The following MYRIP variants were observed in gnomAD, a reference collection of about 807,000 sequenced individuals.
The protein encoded by MYRIP is myosin VIIA and Rab interacting protein.
MYRIP carries 49 observed loss-of-function variants against 98.0 expected under a neutral mutation model. That is an observed-to-expected ratio of 0.50 (90% CI 0.40 to 0.63). The LOEUF (loss-of-function observed/expected upper bound fraction) is 0.63. Among genes scored for constraint, MYRIP ranks in the 30% least tolerant of loss-of-function variants. The probability of loss-of-function intolerance (pLI) is 0.00; values close to 1 mark genes in which losing one functional copy is unlikely to be tolerated. For missense variants in MYRIP, 1,004 were observed against 1,058.2 expected (o/e 0.95, Z 0.71); for synonymous variants, 404 against 409.5 (o/e 0.99, Z 0.16).
chr3:40,244,505 T>C lies in MYRIP; in HGVS notation c.2160T>C (p.Asp720=), dbSNP rs776227627. ...AGACCCAGCTGACTGAGCTAGAAGA[T>C]GCCGCCCGCTGCATCCACAGTGGCA... ...GLETQLTELE[D]AARCIHSGTD... Residue 720 remains aspartate (D), a synonymous_variant, in exon 13 of 17, where the codon GAT becomes GAC. Transcript: ENST00000302541. 6.2e-7 allele frequency: 1 copy of C among 1,613,972 alleles called. No individual in the cohort carries two copies. Among genetic ancestry groups the C allele is most frequent in the Non-Finnish European group, 8.5e-7 (1 of 1,179,914 alleles).
chr3:39,860,505 C>G (rs1050944711), intron 1 of MYRIP, among the ~76,000 whole-genome samples: 2 of 152,182 alleles, frequency 1.3e-5, no homozygotes, highest in Non-Finnish European at 2.9e-5. Context: ...TGAGATGGGG[C>G]TAGTTCAACC....
At chr3:39,950,582 G>A (rs537055335) in intron 2 of MYRIP, among the ~76,000 whole-genome samples, 1 of 152,194 alleles carries the variant, frequency 6.6e-6, no homozygotes, top group East Asian at 1.9e-4. Flanking sequence ...TTTGGTGTCT[G>A]ACCTCAGCTG....
chr3:40,077,697 C>T (rs928152624), intron 3 of MYRIP, among the ~76,000 whole-genome samples: 6 of 152,242 alleles, frequency 3.9e-5, no homozygotes, highest in Non-Finnish European at 8.8e-5. Flanking sequence ...CTCCAAGGCC[C>T]CACCACAGTA....
intron 2 of MYRIP, 45 bp from the exon 3 acceptor site, chr3:40,044,002 ATGT>A (rs761790051): frequency 6.4e-6 from 10 of 1,573,008 alleles, no homozygotes; most frequent in Non-Finnish European, 8.7e-6. Context: ...CCCTGACCTG[ATGT>A]TGTGTTTCTC....
intron 13 of MYRIP, among the ~76,000 whole-genome samples, chr3:40,249,560 C>A (rs1162078492): frequency 1.3e-5 from 2 of 152,214 alleles, no homozygotes; most frequent in East Asian, 3.8e-4. Context: ...ACAATATCTT[C>A]ATTTCTGGAG....
At chr3:40,006,709 T>C (rs571298981) in intron 2 of MYRIP, among the ~76,000 whole-genome samples, 1 of 152,344 alleles carries the variant, frequency 6.6e-6, no homozygotes, top group African/African-American at 2.4e-5. Flanking sequence ...AGACTAATAC[T>C]TACTCCAGAA....
At chr3:39,841,099 A>T (rs1017347910) in intron 1 of MYRIP, among the ~76,000 whole-genome samples, 1 of 152,140 alleles carries the variant, frequency 6.6e-6, no homozygotes, top group Non-Finnish European at 1.5e-5. Flanking sequence ...AGGTACACCA[A>T]TCAAATGTAG....
At chr3:40,218,995 T>A (rs1952239931) in intron 11 of MYRIP, among the ~76,000 whole-genome samples, 1 of 152,088 alleles carries the variant, frequency 6.6e-6, no homozygotes, top group Admixed American at 6.6e-5. Flanking sequence ...AGCAAACAGA[T>A]TAATGAAACA....
intron 1 of MYRIP, among the ~76,000 whole-genome samples, chr3:39,856,326 T>G (rs1482840195): frequency 3.3e-5 from 5 of 152,226 alleles, no homozygotes; most frequent in Non-Finnish European, 7.3e-5. Flanking sequence ...ATGTGGGAGC[T>G]GCACATTAGC....
intron 3 of MYRIP, among the ~76,000 whole-genome samples, chr3:40,092,011 T>C (rs1262707208): frequency 6.6e-6 from 1 of 152,184 alleles, no homozygotes; most frequent in Non-Finnish European, 1.5e-5. Flanking sequence ...TCACAAGCTA[T>C]AAATTGCTTG....
At chr3:39,858,220 TA>T (rs2125614640) in intron 1 of MYRIP, among the ~76,000 whole-genome samples, 1 of 152,202 alleles carries the variant, frequency 6.6e-6, no homozygotes, top group Admixed American at 6.5e-5. Flanking sequence ...GTGAAAATGA[TA>T]ACCAAAAGAA....
At chr3:39,963,004 A>G (rs1229510258) in intron 2 of MYRIP, among the ~76,000 whole-genome samples, 1 of 152,150 alleles carries the variant, frequency 6.6e-6, no homozygotes, top group Non-Finnish European at 1.5e-5. Flanking sequence ...ACAGTAAATA[A>G]AATTATGTGC....
chr3:39,819,723 G>A (rs1941045803), intron 1 of MYRIP, among the ~76,000 whole-genome samples: 1 of 152,224 alleles, frequency 6.6e-6, no homozygotes, highest in African/African-American at 2.4e-5. Context: ...AGGTGGACAT[G>A]GTTGGGGGAT....
At chr3:39,810,947 C>T (rs976618917) in intron 1 of MYRIP, among the ~76,000 whole-genome samples, 4 of 152,190 alleles carry the variant, frequency 2.6e-5, no homozygotes, top group African/African-American at 9.7e-5. Context: ...TCCATCTCCC[C>T]GACCATGATC....
intron 2 of MYRIP, among the ~76,000 whole-genome samples, chr3:39,999,476 T>G (rs565375281): frequency 5.3e-5 from 8 of 152,286 alleles, no homozygotes; most frequent in Admixed American, 2.6e-4. Context: ...CACAATGAGA[T>G]ACCATCTCAC....
chr3:40,030,115 G>A (rs537578060), intron 2 of MYRIP, among the ~76,000 whole-genome samples: 1 of 151,404 alleles, frequency 6.6e-6, no homozygotes, highest in African/African-American at 2.4e-5. Context: ...GAGAGGGAGA[G>A]GGGAGGGGAG....
intron 9 of MYRIP, among the ~76,000 whole-genome samples, chr3:40,184,838 A>G (rs1343515852): frequency 6.6e-6 from 1 of 152,224 alleles, no homozygotes; most frequent in East Asian, 1.9e-4. Flanking sequence ...TTAGTTCCAC[A>G]GCATCACACA....
At chr3:40,038,590 T>C (rs1947435951) in intron 2 of MYRIP, among the ~76,000 whole-genome samples, 1 of 152,134 alleles carries the variant, frequency 6.6e-6, no homozygotes, top group Non-Finnish European at 1.5e-5. Flanking sequence ...CTTATAATCA[T>C]GAGAGAAATT....
chr3:39,989,565 TG>T (rs1946118337), intron 2 of MYRIP, among the ~76,000 whole-genome samples: 1 of 152,208 alleles, frequency 6.6e-6, no homozygotes, highest in African/African-American at 2.4e-5. Context: ...CGTGCTTCAC[TG>T]GGGGGAAACC....
Sources: gnomAD v4.1 joint callset for allele counts (sites outside exome capture counted in the v4.1 genomes callset) on GRCh38, gnomAD v4.1.1 for gene constraint, MANE v1.5 for transcripts, NCBI Gene and HGNC (gene_info 2026-07-23, HGNC 2026-07-21) for gene names.